The following COL5A1 variants were observed in gnomAD, a reference collection of about 807,000 sequenced individuals.
The protein encoded by COL5A1 is collagen type V alpha 1 chain.
A neutral mutation model predicts 263.7 loss-of-function variants in COL5A1; 16 were observed. The ratio of observed to expected loss-of-function variants is 0.06; its 90% CI spans 0.04 to 0.09. The LOEUF (loss-of-function observed/expected upper bound fraction) is 0.09. COL5A1 is among the 10% of genes least tolerant of loss of function. COL5A1 has a pLI of 1.00. For missense variants in COL5A1, 2,036 were observed against 2,540.5 expected, an observed-to-expected ratio of 0.80 and a Z score of 4.27; for synonymous variants, 1,012 against 1,004.5, an observed-to-expected ratio of 1.01 and a Z score of -0.14.
chr9:134,786,346 G>A (rs1260419107), intron 31 of COL5A1, among the ~76,000 whole-genome samples: 2 of 152,224 alleles, frequency 1.3e-5, no homozygotes, highest in Non-Finnish European at 2.9e-5. Context: ...TGACACTGTG[G>A]CTCTCAGCCT....
chr9:134,652,628 C>T lies in COL5A1; in HGVS notation c.109+10332C>T, dbSNP rs150898809. Reference sequence around the variant, plus strand: ...CACCCCACAGTGCACGGGACAGCCCCCACCAAAAAGACTGACCCAGCCCGG... The same window carrying T: ...CACCCCACAGTGCACGGGACAGCCCTCACCAAAAAGACTGACCCAGCCCGG... On this transcript the variant is annotated intron_variant, in intron 1 of 65. Coordinates refer to ENST00000371817, the MANE Select transcript of COL5A1 (RefSeq NM_000093.5). The surrounding 1 kb of genome is among the most constrained non-coding windows in gnomAD (Gnocchi z 4.4). 1.7e-4 allele frequency: 81 copies of T among 468,402 alleles called. No individual in the cohort carries two copies. Among genetic ancestry groups the T allele is most frequent in the Non-Finnish European group, 3.0e-4 (68 of 225,582 alleles). 29.0% of individuals were successfully genotyped at this position (468,402 alleles called of 1,614,324 possible).
At chr9:134,817,226 C>T (rs746798088) in intron 53 of COL5A1, 147 bp downstream of exon 53, 10 of 728,894 alleles carry the variant, frequency 1.4e-5, no homozygotes, top group Admixed American at 2.2e-5. Flanking sequence ...CACTTAGCCT[C>T]GGCCACATCA....
intron 1 of COL5A1, among the ~76,000 whole-genome samples, chr9:134,671,521 A>G (rs756497768): frequency 2.4e-4 from 36 of 152,180 alleles, no homozygotes; most frequent in African/African-American, 7.5e-4. Context: ...ACCCACCACA[A>G]TGTTCCTTTA....
intron 1 of COL5A1, among the ~76,000 whole-genome samples, chr9:134,673,380 A>G (rs1336191938): frequency 7.9e-5 from 12 of 151,984 alleles, no homozygotes. Context: ...TTGGTTTTCC[A>G]TAAAAGTGCT....
At chr9:134,806,427 C>T (rs770001563) in intron 42 of COL5A1, 131 bp downstream of exon 42, 30 of 678,960 alleles carry the variant, frequency 4.4e-5, no homozygotes, top group South Asian at 2.8e-4. Flanking sequence ...GTGGGGTCTG[C>T]GGCCCTCTAG....
At chr9:134,759,743 CCA>C (rs1268940740) in intron 18 of COL5A1, among the ~76,000 whole-genome samples, 1 of 90,620 alleles carries the variant, frequency 1.1e-5, no homozygotes, top group Non-Finnish European at 2.1e-5. Flanking sequence ...TACACACACA[CCA>C]CACATGCACA....
intron 20 of COL5A1, among the ~76,000 whole-genome samples, chr9:134,764,337 G>T (rs1208624179): frequency 4.2e-4 from 54 of 129,830 alleles, no homozygotes; most frequent in African/African-American, 1.5e-3. Flanking sequence ...GGCGGCATGG[G>T]GGGTTCAAGG....
intron 61 of COL5A1, among the ~76,000 whole-genome samples, chr9:134,823,673 A>C (rs1839121656): frequency 6.6e-6 from 1 of 152,242 alleles, no homozygotes; most frequent in East Asian, 1.9e-4. Flanking sequence ...GGCCCTGAGA[A>C]GAACAGCTGG....
intron 64 of COL5A1, 62 bp from the exon 65 acceptor site, chr9:134,834,909 G>T: frequency 3.4e-6 from 4 of 1,185,516 alleles, no homozygotes; most frequent in Non-Finnish European, 4.9e-6. Context: ...CAGTGCGGAC[G>T]TGGGGCTTTG....
intron 64 of COL5A1, among the ~76,000 whole-genome samples, chr9:134,832,450 G>C (rs1038257182): frequency 3.3e-5 from 5 of 152,134 alleles, no homozygotes; most frequent in Non-Finnish European, 7.4e-5. Context: ...TTTTATCTGG[G>C]CAGGGCTACC....
chr9:134,830,885 G>A (rs953428852), intron 64 of COL5A1, among the ~76,000 whole-genome samples: 9 of 152,186 alleles, frequency 5.9e-5, no homozygotes, highest in South Asian at 2.1e-4. Context: ...GAACCCCACC[G>A]GAGTTTGATT....
intron 1 of COL5A1, among the ~76,000 whole-genome samples, chr9:134,654,588 G>T (rs1267322702): frequency 7.6e-6 from 1 of 130,848 alleles, no homozygotes; most frequent in Non-Finnish European, 1.6e-5. Context: ...GGGGTGTGTA[G>T]GGCTGGGAGT....
chr9:134,715,200 A>G (rs1319557438), intron 4 of COL5A1, among the ~76,000 whole-genome samples: 1 of 152,000 alleles, frequency 6.6e-6, no homozygotes, highest in Non-Finnish European at 1.5e-5. Context: ...AACGTGAACA[A>G]ATGTCTCTGT....
rs549951334 is a variant in COL5A1, at chr9:134,691,043, G to C, written c.241G>C (p.Ala81Pro). The change falls in exon 2 of 66, where the codon GCG (alanine) becomes CCG (proline). Residue 81 changes from alanine to proline, a missense_variant. Physicochemically the swap from Ala to Pro is conservative, Grantham distance 27 (BLOSUM62 -1). Transcript: ENST00000371817. ...PDVAYRVTKD[A>P]QLSAPTKQLY... ...TGTCGCTTACAGAGTCACCAAAGAC[G>C]CGCAGCTCAGCGCACCCACCAAGCA... is the stretch of plus-strand genomic sequence containing the variant. 1 of 1,613,408 alleles carries C rather than the reference G, an allele frequency of 6.2e-7. No individual in the cohort carries two copies. Among genetic ancestry groups the C allele is most frequent in the Non-Finnish European group, 8.5e-7 (1 of 1,180,050 alleles).
intron 46 of COL5A1, 55 bp downstream of exon 46, chr9:134,811,654 T>A (rs1029665052): frequency 1.5e-6 from 2 of 1,369,438 alleles, no homozygotes; most frequent in South Asian, 2.5e-5. Flanking sequence ...GCCCCCTGTG[T>A]CTTCATTGTG....
intron 14 of COL5A1, 91 bp from the exon 15 acceptor site, chr9:134,753,759 T>TCCCCCTGCCCC: frequency 1.8e-6 from 1 of 540,648 alleles, no homozygotes; most frequent in Non-Finnish European, 3.7e-6. Flanking sequence ...CCCTGTCCCC[T>TCCCCCTGCCCC]CCCCCTGCCC....
chr9:134,685,226 CCCAT>C (rs1832993966), intron 1 of COL5A1, among the ~76,000 whole-genome samples: 1 of 25,794 alleles, frequency 3.9e-5, no homozygotes, highest in African/African-American at 1.2e-4. Flanking sequence ...CATCCATTCA[CCCAT>C]CCATCCATTC....
In COL5A1 at chr9:134,844,126, A is replaced by G. The variant is rs942393235; in HGVS notation, c.*1823A>G. On this transcript the variant is annotated 3_prime_UTR_variant, in exon 66 of 66. Coordinates refer to ENST00000371817, the MANE Select transcript of COL5A1 (RefSeq NM_000093.5). ...GCTGTCCCCGACCCCCACCACCACC[A>G]GAATGCAGTTCCAGCTTAGGAAGCC... 1.3e-5 allele frequency: 2 copies of G among 152,522 alleles called. No individual in the cohort carries two copies. Among genetic ancestry groups the G allele is most frequent in the Non-Finnish European group, 2.9e-5 (2 of 68,026 alleles). 9.4% of individuals were successfully genotyped at this position (152,522 alleles called of 1,614,324 possible).
chr9:134,691,142 G>T, intron 2 of COL5A1, 63 bp downstream of exon 2: 2 of 1,602,250 alleles, frequency 1.2e-6, no homozygotes, highest in South Asian at 2.2e-5. Flanking sequence ...CTCCAGCCAG[G>T]AGCAGCGCTC....
Sources: allele counts gnomAD v4.1 joint callset (sites outside exome capture counted in the v4.1 genomes callset), GRCh38; gene constraint gnomAD v4.1.1; non-coding constraint Gnocchi (gnomAD v3.1); transcripts MANE v1.5; gene names NCBI Gene and HGNC (gene_info 2026-07-23, HGNC 2026-07-21).